Variants in SAMD12 observed in about 807,000 individuals in gnomAD.
SAMD12 encodes sterile alpha motif domain containing 12.
SAMD12 carries 9 observed loss-of-function variants against 15.0 expected under a neutral mutation model. The ratio of observed to expected loss-of-function variants is 0.60; its 90% confidence interval spans 0.36 to 1.05. The LOEUF is 1.05. Ranked by LOEUF, SAMD12 falls within the 50% of genes least tolerant of loss-of-function variation. The pLI, the probability that SAMD12 is intolerant of heterozygous loss-of-function variation, is 0.01. For synonymous variants in SAMD12, 86 were observed against 90.1 expected, an observed-to-expected ratio of 0.96 and a Z score of 0.25; for missense variants, 230 against 234.2, an observed-to-expected ratio of 0.98 and a Z score of 0.12.
chr8:118,388,482 T>C (rs1820083088), intron 3 of SAMD12, among the ~76,000 whole-genome samples: 2 of 152,216 alleles, frequency 1.3e-5, no homozygotes. Context: ...AATTTCCCTG[T>C]AGTACTTTTT....
At chr8:118,472,937 T>G (rs992936917) in intron 2 of SAMD12, among the ~76,000 whole-genome samples, 1 of 149,874 alleles carries the variant, frequency 6.7e-6, no homozygotes, top group Non-Finnish European at 1.5e-5. Context: ...CTAGGAGGAG[T>G]GCTAGGTATT....
intron 2 of SAMD12, among the ~76,000 whole-genome samples, chr8:118,554,671 T>G (rs915992041): frequency 4.0e-5 from 6 of 151,322 alleles, no homozygotes; most frequent in Non-Finnish European, 7.4e-5. Flanking sequence ...AAACTTAAAG[T>G]ATAATAATAA....
the SAMD12 span, among the ~76,000 whole-genome samples, chr8:118,184,432 A>T: frequency 6.6e-6 from 1 of 151,706 alleles, no homozygotes; most frequent in South Asian, 2.1e-4. Flanking sequence ...ACAAAAACAC[A>T]CTCCCAGAAA....
chr8:118,470,515 C>T (rs575849828), intron 2 of SAMD12, among the ~76,000 whole-genome samples: 1 of 152,280 alleles, frequency 6.6e-6, no homozygotes, highest in African/African-American at 2.4e-5. Flanking sequence ...CTGAGTCGCC[C>T]AACCTGCAGA....
At chr8:118,173,509 C>G in the SAMD12 span, among the ~76,000 whole-genome samples, 2 of 150,146 alleles carry the variant, frequency 1.3e-5, no homozygotes, top group Admixed American at 6.7e-5. Context: ...TTCTTTTATG[C>G]GATGGGCTAT....
At chr8:118,162,080 T>C in the SAMD12 span, among the ~76,000 whole-genome samples, 1 of 150,458 alleles carries the variant, frequency 6.6e-6, no homozygotes, top group Non-Finnish European at 1.5e-5. Context: ...GAATCACTTG[T>C]ACCTGGAAGG....
chr8:118,240,433 G>A (rs986330207), intron 4 of SAMD12, among the ~76,000 whole-genome samples: 11 of 152,114 alleles, frequency 7.2e-5, no homozygotes, highest in African/African-American at 2.7e-4. Context: ...ATTCATTTTT[G>A]GAGTCAGACA....
intron 1 of SAMD12, among the ~76,000 whole-genome samples, chr8:118,614,585 CCA>C (rs1828194209): frequency 6.6e-6 from 1 of 152,210 alleles, no homozygotes. Context: ...CATAGCCAAT[CCA>C]CAAACATCTG....
the SAMD12 span, among the ~76,000 whole-genome samples, chr8:118,175,010 A>G: frequency 1.1e-4 from 17 of 150,332 alleles, no homozygotes; most frequent in Non-Finnish European, 3.0e-5. Flanking sequence ...CTTTCAAAAA[A>G]TTTAGCAGTA....
chr8:118,145,632 G>T, the SAMD12 span, among the ~76,000 whole-genome samples: 3 of 152,202 alleles, frequency 2.0e-5, no homozygotes, highest in Non-Finnish European at 4.4e-5. Flanking sequence ...TGGAGAGTAA[G>T]CCGTGAACGT....
intron 4 of SAMD12, among the ~76,000 whole-genome samples, chr8:118,204,614 C>T (rs17484874): frequency 6.8e-4 from 104 of 152,126 alleles, no homozygotes; most frequent in African/African-American, 1.9e-3. Context: ...ATTAGCCAGG[C>T]GTGGCGGCCG....
At chr8:118,511,467 G>A (rs141335384) in intron 2 of SAMD12, among the ~76,000 whole-genome samples, 18 of 150,866 alleles carry the variant, frequency 1.2e-4, no homozygotes, top group African/African-American at 2.4e-5. Context: ...TTTTTTAAAT[G>A]TACGTGAATA....
Position 118,532,848 on chromosome 8 carries a change from T to G in SAMD12, c.192+47867A>C, listed in dbSNP as rs199516361. Among the ~76,000 whole-genome samples, 11 of 152,246 alleles carry G rather than the reference T, an allele frequency of 7.2e-5. No homozygotes were observed. The East Asian group carries it at 7.7e-4, about 11-fold the overall frequency. ...CTCTCTTTTTTTCTTTACTAGTCTT[T>G]CTAGCGGTCTATCAATTTTGTTGAT... On this transcript the variant is annotated intron_variant, in intron 2 of 3. Transcript: ENST00000314727.
At chr8:118,497,743 GA>G (rs57075448) in intron 2 of SAMD12, among the ~76,000 whole-genome samples, 5,115 of 115,068 alleles carry the variant, frequency 0.044, 156 homozygotes, top group South Asian at 0.068. Context: ...TGGGGGGAAA[GA>G]AAAAAAAAAA....
intron 4 of SAMD12, among the ~76,000 whole-genome samples, chr8:118,235,808 G>A (rs1212446849): frequency 2.6e-5 from 4 of 152,108 alleles, no homozygotes. Context: ...CAGCTCACTT[G>A]GGACTTTCTT....
chr8:118,362,822 A>G (rs1818572301), intron 4 of SAMD12, among the ~76,000 whole-genome samples: 1 of 152,226 alleles, frequency 6.6e-6, no homozygotes, highest in Admixed American at 6.5e-5. Flanking sequence ...ATCTAACAAG[A>G]TTAAGATTAC....
chr8:118,589,343 C>T (rs1002864390), intron 1 of SAMD12, among the ~76,000 whole-genome samples: 8 of 152,132 alleles, frequency 5.3e-5, no homozygotes, highest in Admixed American at 3.3e-4. Context: ...CTGGGCCCCA[C>T]GATGCTCACT....
At chr8:118,429,595 T>C (rs1387297222) in intron 3 of SAMD12, among the ~76,000 whole-genome samples, 1 of 152,078 alleles carries the variant, frequency 6.6e-6, no homozygotes, top group Non-Finnish European at 1.5e-5. Context: ...CAGAACAATA[T>C]TTAATAGAAG....
chr8:118,312,552 T>C (rs1815683591), intron 4 of SAMD12, among the ~76,000 whole-genome samples: 1 of 152,202 alleles, frequency 6.6e-6, no homozygotes, highest in Non-Finnish European at 1.5e-5. Flanking sequence ...TAGAATATCA[T>C]TTGATATGGG....
Sources: gnomAD v4.1 joint callset for allele counts (sites outside exome capture counted in the v4.1 genomes callset) on GRCh38, gnomAD v4.1.1 for gene constraint, MANE v1.5 for transcripts, NCBI Gene and HGNC (gene_info 2026-07-23, HGNC 2026-07-21) for gene names.